The following MYO7A variants were observed in gnomAD, a reference collection of about 807,000 sequenced individuals.
The protein encoded by MYO7A is myosin VIIA, also known as unconventional myosin-VIIa.
Under a neutral mutation model 263.8 loss-of-function variants are expected in MYO7A, and 210 were observed. The observed-to-expected ratio is 0.80, with a 90% CI of 0.71 to 0.89. The LOEUF (loss-of-function observed/expected upper bound fraction) is 0.89, where lower values mean the gene tolerates loss of function less well. MYO7A is among the 40% of genes least tolerant of loss of function. MYO7A has a pLI of 0.00. For missense variants in MYO7A, 2,820 were observed against 2,968.3 expected (o/e 0.95, Z 1.16); for synonymous variants, 1,239 against 1,197.3 (o/e 1.03, Z -0.72).
intron 32 of MYO7A, 130 bp downstream of exon 32, chr11:77,194,654 C>A: frequency 2.1e-6 from 2 of 948,448 alleles, no homozygotes; most frequent in Non-Finnish European, 3.0e-6. Flanking sequence ...GCCCTTCCTT[C>A]ATTGGACATC....
chr11:77,187,580 C>T (rs1298779813), intron 27 of MYO7A, among the ~76,000 whole-genome samples: 6 of 152,192 alleles, frequency 3.9e-5, no homozygotes, highest in Admixed American at 1.3e-4. Context: ...GGGAATCCTG[C>T]AAGTACCTCC....
chr11:77,214,122 C>A, intron 48 of MYO7A, 143 bp downstream of exon 48: 1 of 1,149,974 alleles, frequency 8.7e-7, no homozygotes, highest in Middle Eastern at 2.6e-4. Flanking sequence ...AAGGTCAGGT[C>A]AGTTTGAGGC....
chr11:77,147,897 G>C lies in MYO7A; in HGVS notation c.232G>C (p.Glu78Gln). 1 of 1,587,100 alleles carries C rather than the reference G, an allele frequency of 6.3e-7. No individual in the cohort carries two copies. The highest frequency in any genetic ancestry group is 1.2e-5 in the South Asian group (1 of 86,642). The change falls in exon 4 of 49, where the codon GAG (glutamate) becomes CAG (glutamine). Residue 78 changes from glutamate to glutamine, a missense_variant. Physicochemically the swap from Glu to Gln is conservative, Grantham distance 29. Transcript: ENST00000409709. The part of the protein sequence containing the change: ...EDMIRLGDLN[E>Q]AGILRNLLIR... ...CATGATCCGCCTGGGGGACCTCAAC[G>C]AGGCGGGCATCTTGCGCAACCTGCT...
At chr11:77,204,315 C>A in intron 39 of MYO7A, 86 bp downstream of exon 39, 1 of 1,502,466 alleles carries the variant, frequency 6.7e-7, no homozygotes, top group South Asian at 1.2e-5. Context: ...GCTGCTGGCT[C>A]TGCCTGGATG....
chr11:77,166,377 G>A (rs1953546429), intron 15 of MYO7A, among the ~76,000 whole-genome samples: 1 of 152,218 alleles, frequency 6.6e-6, no homozygotes, highest in African/African-American at 2.4e-5. Flanking sequence ...TGGGGTGCAA[G>A]GCCCAGAGAA....
intron 8 of MYO7A, among the ~76,000 whole-genome samples, chr11:77,157,779 G>A (rs140247624): frequency 6.5e-4 from 99 of 152,310 alleles, no homozygotes; most frequent in African/African-American, 1.9e-3. Flanking sequence ...GACACTTTCT[G>A]TAGCTGGCTG....
At chr11:77,175,298 G>T in intron 17 of MYO7A, 74 bp from the exon 18 acceptor site, 1 of 1,393,264 alleles carries the variant, frequency 7.2e-7, no homozygotes, top group Non-Finnish European at 1.0e-6. Context: ...CTGCCTCTCA[G>T]CCTCGGGGAC....
At chr11:77,181,873 C>T (rs1955248390) in intron 23 of MYO7A, 78 bp from the exon 24 acceptor site, 1 of 1,321,636 alleles carries the variant, frequency 7.6e-7, no homozygotes, top group Non-Finnish European at 1.0e-6. Context: ...CAGCCTTGAA[C>T]TTCTGGGCTC....
chr11:77,129,939 G>A (rs1434891054), intron 1 of MYO7A, among the ~76,000 whole-genome samples: 4 of 152,218 alleles, frequency 2.6e-5, no homozygotes, highest in Non-Finnish European at 5.9e-5. Flanking sequence ...GGCATCAGCA[G>A]GGGCCAGATT....
chr11:77,213,813 C>T (rs768021988), intron 47 of MYO7A, 47 bp from the exon 48 acceptor site: 1 of 1,613,356 alleles, frequency 6.2e-7, no homozygotes, highest in Middle Eastern at 1.6e-4. Context: ...GCAAGTGAGG[C>T]CACAGGGCCC....
intron 15 of MYO7A, among the ~76,000 whole-genome samples, chr11:77,171,717 A>G (rs989621594): frequency 6.6e-5 from 10 of 152,250 alleles, no homozygotes; most frequent in Non-Finnish European, 1.3e-4. Context: ...GTCAAGTAAA[A>G]TAAGAAATTC....
chr11:77,175,340 C>T, intron 17 of MYO7A, 32 bp from the exon 18 acceptor site: 1 of 1,602,678 alleles, frequency 6.2e-7, no homozygotes, highest in Non-Finnish European at 8.5e-7. Flanking sequence ...GAGAGGCTGT[C>T]CATTCCCTTG....
At chr11:77,203,272 G>A (rs1305065951) in intron 38 of MYO7A, 55 bp downstream of exon 38, 7 of 1,524,630 alleles carry the variant, frequency 4.6e-6, no homozygotes, top group Admixed American at 2.0e-5. Context: ...CAGGGCCTTC[G>A]TCTGCACACT....
chr11:77,181,941 T>C lies in MYO7A; in HGVS notation c.2905-10T>C, dbSNP rs1555084746. The C allele has an allele frequency of 6.2e-7, 1 of 1,612,654 alleles. No homozygotes were observed. Among genetic ancestry groups the C allele is most frequent in the Non-Finnish European group, 8.5e-7 (1 of 1,179,566 alleles). The stretch of plus-strand genomic sequence containing the variant: ...CTGGGACTCCAGGGCATACCTCTTG[T>C]CTCCTTCAGGACCTGGAGCGAGGGC... On this transcript the variant is annotated splice_polypyrimidine_tract_variant and intron_variant, in intron 23 of 48. Transcript: ENST00000409709.
chr11:77,190,861 G>A lies in MYO7A; in HGVS notation c.3915G>A (p.Leu1305=). Residue 1305 remains leucine, a synonymous_variant, in exon 30 of 49, where the codon CTG becomes CTA. Coordinates refer to ENST00000409709, the MANE Select transcript of MYO7A (RefSeq NM_000260.4). ...TCGGGTTCTCCCTCTACATTGCCCT[G>A]TTTGACAAGGTATGGCCGCCCGGAA... The part of the protein sequence containing the change: ...DRFGFSLYIA[L]FDKVSSLGSG... 1 of 1,567,970 alleles carries A rather than the reference G, an allele frequency of 6.4e-7. No homozygotes were observed. Among genetic ancestry groups the A allele is most frequent in the East Asian group, 2.3e-5 (1 of 42,576 alleles).
At chr11:77,183,210 C>A in intron 26 of MYO7A, 53 bp downstream of exon 26, 1 of 1,472,850 alleles carries the variant, frequency 6.8e-7, no homozygotes, top group Admixed American at 2.0e-5. Flanking sequence ...CCTTAGGTGG[C>A]CTAGGCTGGA....
rs782531164 is a variant in MYO7A at position 77,181,382 on chromosome 11, G to A, written c.2697G>A (p.Glu899=). The A allele has an allele frequency of 1.0e-5, 16 of 1,559,402 alleles. No individual in the cohort carries two copies. The East Asian group carries it at 3.6e-4, about 35-fold the overall frequency. ...AKEEAERKHQ[E]RLAQLAREDA... is the part of the protein sequence containing the mutation. ...TCTGTGTCACCCCAATTGCCCAGGA[G>A]CGCCTGGCCCAGCTGGCTCGTGAGG... Residue 899 remains glutamate (E), a splice_region_variant and synonymous_variant, in exon 23 of 49, where the codon GAG becomes GAA. Transcript: ENST00000409709.
chr11:77,175,388 C>T lies in MYO7A; in HGVS notation c.2111C>T (p.Thr704Ile). The change falls in exon 18 of 49, where the codon ACT becomes ATT. Residue 704 changes from threonine to isoleucine, a missense_variant. Physicochemically the swap from Thr to Ile is moderately conservative, Grantham distance 89 (BLOSUM62 -1). Coordinates refer to ENST00000409709, the MANE Select transcript of MYO7A (RefSeq NM_000260.4). ...TCACTCCAGGGCGACCTCCGCGGGA[C>T]TTGCCAGCGCATGGCTGAGGCTGTG... ...PAYKQGDLRG[T>I]CQRMAEAVLG... is the part of the protein sequence containing the mutation. The T allele has an allele frequency of 1.9e-6, 3 of 1,613,326 alleles. No individual in the cohort carries two copies. The highest frequency in any genetic ancestry group is 2.5e-6 in the Non-Finnish European group (3 of 1,179,882).
At chr11:77,189,581 C>A in intron 28 of MYO7A, 111 bp downstream of exon 28, 1 of 1,455,910 alleles carries the variant, frequency 6.9e-7, no homozygotes, top group Non-Finnish European at 9.3e-7. Context: ...AAGGCCCACC[C>A]GGCCACTCCT....
Sources: allele counts gnomAD v4.1 joint callset (sites outside exome capture counted in the v4.1 genomes callset), GRCh38; gene constraint gnomAD v4.1.1; transcripts MANE v1.5; gene names NCBI Gene and HGNC (gene_info 2026-07-23, HGNC 2026-07-21).